The following HERC2 variants were observed in gnomAD, a reference collection of about 807,000 sequenced individuals.
HERC2 encodes the protein E3 ubiquitin-protein ligase HERC2.
In HERC2, 102 loss-of-function variants were observed where a neutral mutation model predicts 537.7. The observed-to-expected ratio is 0.19, with a 90% CI of 0.16 to 0.22. HERC2 has a LOEUF of 0.22. HERC2 is among the 10% of genes least tolerant of loss of function. HERC2 has a pLI of 1.00. For synonymous variants in HERC2, 2,224 were observed against 2,466.2 expected (o/e 0.90, Z 2.91); for missense variants, 4,236 against 6,198.2 (o/e 0.68, Z 10.63).
At chr15:28,133,712 AGT>A (rs1213166119) in intron 79 of HERC2, among the ~76,000 whole-genome samples, 1 of 152,256 alleles carries the variant, frequency 6.6e-6, no homozygotes, top group African/African-American at 2.4e-5. Context: ...TATTTTCTCC[AGT>A]GAACTGGCTG....
At chr15:28,293,231 C>T (rs1474650167) in intron 3 of HERC2, among the ~76,000 whole-genome samples, 1 of 152,130 alleles carries the variant, frequency 6.6e-6, no homozygotes, top group African/African-American at 2.4e-5. Context: ...TGGTGGCTCA[C>T]GCCTGTAATC....
At chr15:28,309,950 C>T (rs1352953343) in intron 2 of HERC2, among the ~76,000 whole-genome samples, 1 of 152,176 alleles carries the variant, frequency 6.6e-6, no homozygotes, top group African/African-American at 2.4e-5. Flanking sequence ...TACTTGGAAC[C>T]AAAACATACG....
intron 35 of HERC2, among the ~76,000 whole-genome samples, chr15:28,223,202 T>C (rs4932684): frequency 0.012 from 1,799 of 148,944 alleles, 17 homozygotes; most frequent in African/African-American, 0.022. Context: ...CCCAATGGAT[T>C]TGAAAATAGG....
chr15:28,160,560 C>G (rs1893489380), intron 69 of HERC2, among the ~76,000 whole-genome samples: 1 of 152,200 alleles, frequency 6.6e-6, no homozygotes, highest in Non-Finnish European at 1.5e-5. Context: ...TCCTGGTGTG[C>G]CATTTGCTAA....
intron 86 of HERC2, chr15:28,117,657 G>C (rs1888425560): frequency 2.4e-6 from 1 of 414,926 alleles, no homozygotes; most frequent in South Asian, 1.8e-5. Context: ...CAGTGAGTGA[G>C]TGCCTCAGCC....
chr15:28,293,054 C>T (rs766370859), intron 3 of HERC2, 32 bp from the exon 4 acceptor site: 38 of 1,593,134 alleles, frequency 2.4e-5, no homozygotes, highest in East Asian at 6.7e-5. Flanking sequence ...AATCTGTCAC[C>T]GCTTTTCAGA....
At chr15:28,138,479 T>A (rs1030807369) in intron 78 of HERC2, among the ~76,000 whole-genome samples, 45 of 152,150 alleles carry the variant, frequency 3.0e-4, no homozygotes, top group African/African-American at 9.9e-4. Flanking sequence ...TTATGCTAAC[T>A]CCACTCTGAC....
Position 28,144,741 on chromosome 15 carries a change from A to G in HERC2, c.11072T>C (p.Phe3691Ser), listed in dbSNP as rs1891566047. 6.2e-7 allele frequency: 1 copy of G among 1,614,064 alleles called. No homozygotes were observed. Among genetic ancestry groups the G allele is most frequent in the Non-Finnish European group, 8.5e-7 (1 of 1,180,042 alleles). The change falls in exon 72 of 93, where the codon TTC becomes TCC. Residue 3691 changes from phenylalanine (F) to serine (S), a missense_variant. Phe to Ser is a radical substitution (Grantham distance 155, BLOSUM62 -2). Coordinates refer to ENST00000261609, the MANE Select transcript of HERC2 (RefSeq NM_004667.6). ...RIPGDELKWK[F>S]ISDGSVNGWG... The stretch of plus-strand genomic sequence containing the variant: ...GCCATTCACAGACCCATCGCTGATG[A>G]ACTTCCACTTTAACTCATCCCCTGG...
rs1224179273 is a variant in HERC2 at position 28,116,666 on chromosome 15, C to G, written c.13608G>C (p.Leu4536=). The change falls in exon 88 of 93, where the codon CTG becomes CTC. Residue 4536 remains leucine, a splice_region_variant and synonymous_variant. Transcript: ENST00000261609. ...GTCTCAAGCGGCCGAGAAGCTCACC[C>G]AGGAAGCGGAACATGCTGCTGTGCA... ...APVHSSMFRF[L]GVLLGIAIRT... is the part of the protein sequence containing the mutation. 6 of 1,605,646 alleles carry G rather than the reference C, an allele frequency of 3.7e-6. No homozygotes were observed. The highest frequency in any genetic ancestry group is 2.7e-5 in the African/African-American group (2 of 74,758).
intron 79 of HERC2, among the ~76,000 whole-genome samples, chr15:28,134,703 CTT>C (rs71132835): frequency 1.8e-3 from 205 of 114,786 alleles, no homozygotes; most frequent in Admixed American, 1.9e-3. Context: ...ATTTTTTCCT[CTT>C]TTTTTTTTTT....
Position 28,246,024 on chromosome 15 carries a change from A to T in HERC2, c.3434T>A (p.Leu1145His), listed in dbSNP as rs1226272889. 12 of 1,613,620 alleles carry T rather than the reference A, an allele frequency of 7.4e-6. No homozygotes were observed. Among genetic ancestry groups the T allele is most frequent in the Non-Finnish European group, 1.0e-5 (12 of 1,179,622 alleles). Reference sequence around the variant, plus strand: ...TTGCATGAGACCAGCATTTTTACTGAGCAGAAGCACTATAGAAACTACTAG... The same window carrying T: ...TTGCATGAGACCAGCATTTTTACTGTGCAGAAGCACTATAGAAACTACTAG... ...PELVVSIVLL[L>H]SKNAGLMQEA... The change falls in exon 23 of 93, where the codon CTC (leucine) becomes CAC (histidine). Residue 1145 changes from leucine (L) to histidine (H), a missense_variant. By Grantham distance (99) the Leu-to-His change is moderately conservative. Around this residue, in one of 27 missense-constraint regions of HERC2, gnomAD observed 754 missense variants for 1,085.0 expected, o/e 0.69. Coordinates refer to ENST00000261609, the MANE Select transcript of HERC2 (RefSeq NM_004667.6).
Position 28,260,870 on chromosome 15 carries a change from G to C in HERC2, c.2223C>G (p.His741Gln). The C allele has an allele frequency of 6.2e-7, 1 of 1,614,210 alleles. No individual in the cohort carries two copies. The highest frequency in any genetic ancestry group is 8.5e-7 in the Non-Finnish European group (1 of 1,180,042). Reference protein sequence around the residue: ...HSWGSNDQCQHFDTLRVTKPE... With the variant: ...HSWGSNDQCQQFDTLRVTKPE... Reference sequence around the variant, plus strand: ...GCTTGGTCACGCGCAAGGTGTCAAAGTGCTGGCACTGGTCGTTGCTCCCCC... The same window carrying C: ...GCTTGGTCACGCGCAAGGTGTCAAACTGCTGGCACTGGTCGTTGCTCCCCC... The change falls in exon 16 of 93, where the codon CAC (histidine) becomes CAG (glutamine). Residue 741 changes from histidine to glutamine, a missense_variant. By Grantham distance (24) the His-to-Gln change is conservative. Around this residue, in one of 27 missense-constraint regions of HERC2, gnomAD observed 754 missense variants for 1,085.0 expected, o/e 0.69. Transcript: ENST00000261609.
chr15:28,231,537 C>T (rs1202880464), intron 30 of HERC2, among the ~76,000 whole-genome samples: 1 of 152,150 alleles, frequency 6.6e-6, no homozygotes, highest in Non-Finnish European at 1.5e-5. Flanking sequence ...GTGCGCTGGC[C>T]TGGTTAACAA....
At position 28,176,955 on chromosome 15, in the gene HERC2, T is replaced by C; in HGVS notation, c.9427A>G (p.Lys3143Glu). ...HGDNTTQLKP[K>E]MVKVLLGHRV... ...ACAAAAATGCGTATAATCACCATTT[T>C]GGGCTTTAGCTGTGTCGTATTATCC... Residue 3143 changes from lysine (K) to glutamate (E), a missense_variant, in exon 61 of 93, where the codon AAA becomes GAA. Lys to Glu is a moderately conservative substitution (Grantham distance 56). Coordinates refer to ENST00000261609, the MANE Select transcript of HERC2 (RefSeq NM_004667.6). This position sits in a 1 kb window ranked among gnomAD's most constrained non-coding sequence, Gnocchi z 5.0. 1 of 1,610,962 alleles carries C rather than the reference T, an allele frequency of 6.2e-7. No individual in the cohort carries two copies. Among genetic ancestry groups the C allele is most frequent in the Non-Finnish European group, 8.5e-7 (1 of 1,177,930 alleles).
chr15:28,272,571 C>G (rs1210295620), intron 8 of HERC2, among the ~76,000 whole-genome samples, 185 bp from the exon 9 acceptor site: 3 of 152,046 alleles, frequency 2.0e-5, no homozygotes, highest in Non-Finnish European at 4.4e-5. Flanking sequence ...CAAGACATCG[C>G]CTTCTGCTCA....
intron 70 of HERC2, among the ~76,000 whole-genome samples, chr15:28,150,113 C>A (rs868491058): frequency 6.6e-6 from 1 of 151,886 alleles, no homozygotes; most frequent in Non-Finnish European, 1.5e-5. Flanking sequence ...AAAACACACA[C>A]GGCTCCTAAC....
chr15:28,121,393 C>T lies in HERC2; in HGVS notation c.13225G>A (p.Val4409Ile), dbSNP rs1234482234. Residue 4409 changes from valine to isoleucine, a missense_variant, in exon 86 of 93, where the codon GTA becomes ATA. By Grantham distance (29) the Val-to-Ile change is conservative. Transcript: ENST00000261609. The part of the protein sequence containing the change: ...AFRKVVQATM[V>I]RDRQHGPVVE... ...ACGGGGCCATGCTGACGATCGCGTACCATAGTTGCTTGTACTACTTTCCGG... is the reference window on the plus strand; with the variant it reads ...ACGGGGCCATGCTGACGATCGCGTATCATAGTTGCTTGTACTACTTTCCGG... The T allele has an allele frequency of 1.2e-6, 2 of 1,614,210 alleles. No individual in the cohort carries two copies. The highest frequency in any genetic ancestry group is 1.1e-5 in the South Asian group (1 of 91,082).
chr15:28,218,683 A>C lies in HERC2; in HGVS notation c.5846-12T>G. The C allele has an allele frequency of 6.4e-7, 1 of 1,562,852 alleles. No homozygotes were observed. Among genetic ancestry groups the C allele is most frequent in the Non-Finnish European group, 8.7e-7 (1 of 1,147,508 alleles). On this transcript the variant is annotated splice_polypyrimidine_tract_variant and intron_variant, in intron 37 of 92. Coordinates refer to ENST00000261609, the MANE Select transcript of HERC2 (RefSeq NM_004667.6). ...AGTTTGTTCGGCTTCTAAAAAAAATAATCAAAATTACAAATTATATTCCCA... is the reference window on the plus strand; with the variant it reads ...AGTTTGTTCGGCTTCTAAAAAAAATCATCAAAATTACAAATTATATTCCCA...
At chr15:28,194,443 G>A (rs1198654889) in intron 52 of HERC2, among the ~76,000 whole-genome samples, 6 of 151,416 alleles carry the variant, frequency 4.0e-5, no homozygotes, top group East Asian at 4.1e-4. Context: ...GGTGGCGGGC[G>A]CCTGTAGTCG....
Sources: allele counts gnomAD v4.1 joint callset (sites outside exome capture counted in the v4.1 genomes callset), GRCh38; gene constraint gnomAD v4.1.1; regional missense constraint gnomAD v4.1.1; non-coding constraint Gnocchi (gnomAD v3.1); transcripts MANE v1.5; gene names NCBI Gene and HGNC (gene_info 2026-07-23, HGNC 2026-07-21).